The following MSRA variants were observed in gnomAD, a reference collection of about 807,000 sequenced individuals.
MSRA encodes mitochondrial peptide methionine sulfoxide reductase.
MSRA carries 54 observed loss-of-function variants against 31.3 expected under a neutral mutation model. The ratio of observed to expected loss-of-function variants is 1.73; its 90% CI spans 1.39 to 2.17. The LOEUF is 2.17. Among genes scored for constraint, MSRA ranks in the 30% most tolerant of loss-of-function variants. MSRA has a pLI of 0.00. For synonymous variants in MSRA, 169 were observed against 116.5 expected, an observed-to-expected ratio of 1.45 and a Z score of -2.90; for missense variants, 507 against 300.9, an observed-to-expected ratio of 1.69 and a Z score of -5.07.
chr8:10,230,631 A>C (rs1392298477), intron 2 of MSRA, among the ~76,000 whole-genome samples: 1 of 152,172 alleles, frequency 6.6e-6, no homozygotes, highest in Non-Finnish European at 1.5e-5. Context: ...TTTTTGAAAA[A>C]CTTCTTTTGA....
At chr8:10,273,036 G>A (rs1799129424) in intron 3 of MSRA, among the ~76,000 whole-genome samples, 1 of 152,180 alleles carries the variant, frequency 6.6e-6, no homozygotes, top group Non-Finnish European at 1.5e-5. Flanking sequence ...TGAAAAAGTA[G>A]ACCGTGTAAC....
At chr8:10,425,726 T>C (rs949251340) in intron 5 of MSRA, among the ~76,000 whole-genome samples, 1 of 152,114 alleles carries the variant, frequency 6.6e-6, no homozygotes, top group Non-Finnish European at 1.5e-5. Flanking sequence ...AGTGGGTAGG[T>C]CCTCTGAGGA....
At chr8:10,217,999 G>A (rs990951961) in intron 2 of MSRA, among the ~76,000 whole-genome samples, 3 of 151,786 alleles carry the variant, frequency 2.0e-5, no homozygotes, top group Non-Finnish European at 2.9e-5. Context: ...TTGACCGAAC[G>A]ATCATGTTCA....
intron 1 of MSRA, among the ~76,000 whole-genome samples, chr8:10,061,417 C>G (rs141863953): frequency 6.6e-6 from 1 of 152,270 alleles, no homozygotes; most frequent in East Asian, 1.9e-4. Flanking sequence ...CTTTTTCTCT[C>G]CAACCTAAGT....
At chr8:10,304,712 T>C (rs1434155751) in intron 4 of MSRA, among the ~76,000 whole-genome samples, 1 of 152,158 alleles carries the variant, frequency 6.6e-6, no homozygotes, top group Non-Finnish European at 1.5e-5. Flanking sequence ...CATGGCAACC[T>C]GTCACGTTTC....
chr8:10,123,542 T>C (rs891472577), intron 1 of MSRA, among the ~76,000 whole-genome samples: 1 of 152,214 alleles, frequency 6.6e-6, no homozygotes, highest in Non-Finnish European at 1.5e-5. Flanking sequence ...TTTGTCAATT[T>C]TTTTCTTTTG....
chr8:10,423,249 A>C (rs917898392), intron 5 of MSRA, among the ~76,000 whole-genome samples: 3 of 152,162 alleles, frequency 2.0e-5, no homozygotes, highest in African/African-American at 7.2e-5. Context: ...CTGAGGGCCA[A>C]TGAGAGGCAG....
intron 1 of MSRA, among the ~76,000 whole-genome samples, chr8:10,064,154 G>T (rs928705423): frequency 6.6e-6 from 1 of 152,164 alleles, no homozygotes; most frequent in Middle Eastern, 3.2e-3. Context: ...CTGCTGGCAT[G>T]ATCAGAGTTC....
In MSRA at chr8:10,280,066, G is replaced by T. The variant is rs974515481; in HGVS notation, c.332-21468G>T. Among the ~76,000 whole-genome samples, 5 of 152,126 alleles carry T rather than the reference G, an allele frequency of 3.3e-5. No individual in the cohort carries two copies. The South Asian group carries it at 1.0e-3, about 32-fold the overall frequency. ...TTTCTTCTTTCTGGGCCAACTTTGG[G>T]AAGTTATATTTTTCTAAGAAATTTT... On this transcript the variant is annotated intron_variant, in intron 3 of 5. Coordinates refer to ENST00000317173, the MANE Select transcript of MSRA (RefSeq NM_012331.5).
intron 5 of MSRA, among the ~76,000 whole-genome samples, chr8:10,387,949 G>T: frequency 6.6e-6 from 1 of 152,136 alleles, no homozygotes; most frequent in East Asian, 1.9e-4. Flanking sequence ...TGCCAAAGCC[G>T]CCTATTTTAG....
intron 1 of MSRA, among the ~76,000 whole-genome samples, chr8:10,149,268 C>T (rs966303355): frequency 6.6e-6 from 1 of 152,084 alleles, no homozygotes; most frequent in African/African-American, 2.4e-5. Context: ...ATTACAGGTG[C>T]CCACCACCAT....
chr8:10,189,782 C>A (rs1350003855), intron 1 of MSRA, among the ~76,000 whole-genome samples: 1 of 152,054 alleles, frequency 6.6e-6, no homozygotes, highest in African/African-American at 2.4e-5. Flanking sequence ...GGATCTGTCT[C>A]TAGTTTTCTT....
At chr8:10,262,460 T>A (rs1350765115) in intron 3 of MSRA, among the ~76,000 whole-genome samples, 5 of 152,226 alleles carry the variant, frequency 3.3e-5, no homozygotes, top group Non-Finnish European at 5.9e-5. Flanking sequence ...AATTTGCAAT[T>A]CTTTAATGAC....
intron 1 of MSRA, among the ~76,000 whole-genome samples, chr8:10,110,235 T>A (rs1800182059): frequency 6.6e-6 from 1 of 152,260 alleles, no homozygotes; most frequent in Non-Finnish European, 1.5e-5. Context: ...AGGTTTGGAC[T>A]GTTTCAGTGG....
intron 3 of MSRA, 93 bp from the exon 4 acceptor site, chr8:10,301,441 C>T (rs1800837659): frequency 1.1e-6 from 1 of 917,418 alleles, no homozygotes; most frequent in East Asian, 2.4e-5. Context: ...GGTAGAGTTT[C>T]AGCTTTTGTC....
At chr8:10,397,514 G>A (rs1360120739) in intron 5 of MSRA, among the ~76,000 whole-genome samples, 1 of 152,334 alleles carries the variant, frequency 6.6e-6, no homozygotes, top group East Asian at 1.9e-4. Flanking sequence ...TTCTTTGGGA[G>A]TGTTCACTGG....
chr8:10,298,739 TGGTATTTTAATG>T (rs1800678621), intron 3 of MSRA, among the ~76,000 whole-genome samples: 1 of 152,200 alleles, frequency 6.6e-6, no homozygotes, highest in Non-Finnish European at 1.5e-5. Context: ...GTAAAATATG[TGGTATTTTAATG>T]GTTCTATGAA....
At chr8:10,114,648 G>T (rs143864069) in intron 1 of MSRA, among the ~76,000 whole-genome samples, 1 of 152,178 alleles carries the variant, frequency 6.6e-6, no homozygotes, top group South Asian at 2.1e-4. Flanking sequence ...GAGGTCTTAC[G>T]TAGCTGAGGA....
intron 5 of MSRA, among the ~76,000 whole-genome samples, chr8:10,382,386 G>C (rs1483148291): frequency 6.6e-6 from 1 of 152,200 alleles, no homozygotes; most frequent in African/African-American, 2.4e-5. Flanking sequence ...CACACTGCTG[G>C]AAGAGACACC....
Sources: allele counts gnomAD v4.1 joint callset (sites outside exome capture counted in the v4.1 genomes callset), GRCh38; gene constraint gnomAD v4.1.1; transcripts MANE v1.5; gene names NCBI Gene and HGNC (gene_info 2026-07-23, HGNC 2026-07-21).